Variants in ARSB observed in about 807,000 individuals in gnomAD.
The protein encoded by ARSB is arylsulfatase B, also known as N-acetylgalactosamine-4-sulfatase.
A neutral mutation model predicts 50.9 loss-of-function variants in ARSB; 41 were observed. The ratio of observed to expected loss-of-function variants is 0.81; its 90% CI spans 0.63 to 1.04. The LOEUF (loss-of-function observed/expected upper bound fraction) is 1.04, where lower values mean the gene tolerates loss of function less well. Ranked by LOEUF, ARSB falls within the 50% of genes least tolerant of loss-of-function variation. The pLI, the probability that ARSB is intolerant of heterozygous loss-of-function variation, is 0.00. For missense variants in ARSB, 672 were observed against 693.3 expected (o/e 0.97, Z 0.35); for synonymous variants, 269 against 284.8 (o/e 0.94, Z 0.56).
intron 4 of ARSB, among the ~76,000 whole-genome samples, chr5:78,917,503 T>C (rs1409848743): frequency 6.6e-6 from 1 of 152,056 alleles, no homozygotes; most frequent in East Asian, 1.9e-4. Flanking sequence ...TGCAATTGTG[T>C]TTGTTTTATT....
chr5:78,959,965 C>T (rs183393791), intron 3 of ARSB, among the ~76,000 whole-genome samples: 2 of 152,142 alleles, frequency 1.3e-5, no homozygotes, highest in Non-Finnish European at 2.9e-5. Context: ...AACCAGAGCT[C>T]GGCTCACTGT....
At chr5:78,971,882 G>T (rs77970038) in intron 1 of ARSB, among the ~76,000 whole-genome samples, 3 of 152,204 alleles carry the variant, frequency 2.0e-5, no homozygotes, top group African/African-American at 7.2e-5. Context: ...TTCATTGTAT[G>T]TCAATCATAT....
chr5:78,929,729 A>G (rs530300871), intron 4 of ARSB, among the ~76,000 whole-genome samples: 1 of 148,934 alleles, frequency 6.7e-6, no homozygotes, highest in Admixed American at 6.8e-5. Context: ...GGGGGCTGAG[A>G]TTGCAGTCAG....
Position 78,870,341 on chromosome 5 carries a change from G to A in ARSB, c.1142+15243C>T, listed in dbSNP as rs1345017136. On this transcript the variant is annotated intron_variant, in intron 5 of 7. Transcript: ENST00000264914. ...AGTCCAGCATCATCCTGATACCAAA[G>A]CCAGGCAGAGACACAACCAAAAAAG... 3.7e-5 allele frequency among the ~76,000 whole-genome samples: 3 copies of A among 82,172 alleles called. 1 individual carries two copies. Among genetic ancestry groups the A allele is most frequent in the Non-Finnish European group, 7.5e-5 (3 of 39,742 alleles). 53.9% of individuals were successfully genotyped at this position (82,172 alleles called of 152,430 possible).
intron 5 of ARSB, among the ~76,000 whole-genome samples, chr5:78,856,549 GA>G (rs1377300256): frequency 1.3e-5 from 2 of 152,194 alleles, no homozygotes; most frequent in South Asian, 4.1e-4. Context: ...GTGGGTTGGA[GA>G]AAAAGTGTAT....
intron 5 of ARSB, among the ~76,000 whole-genome samples, chr5:78,847,547 T>C (rs1323196544): frequency 6.6e-6 from 1 of 152,230 alleles, no homozygotes; most frequent in Non-Finnish European, 1.5e-5. Flanking sequence ...TATCTCTGTC[T>C]AGTTTTGGTA....
chr5:78,948,482 A>G (rs984154085), intron 4 of ARSB, among the ~76,000 whole-genome samples: 13 of 152,228 alleles, frequency 8.5e-5, no homozygotes, highest in African/African-American at 3.1e-4. Flanking sequence ...CCAGAATAGT[A>G]TGTGTGTAAT....
At chr5:78,977,034 C>T (rs2112556056) in intron 1 of ARSB, among the ~76,000 whole-genome samples, 1 of 152,230 alleles carries the variant, frequency 6.6e-6, no homozygotes. Context: ...CAGGCCTCTG[C>T]TCATACTACC....
chr5:78,861,698 G>A (rs1746445275), intron 5 of ARSB, among the ~76,000 whole-genome samples: 1 of 152,124 alleles, frequency 6.6e-6, no homozygotes, highest in Non-Finnish European at 1.5e-5. Flanking sequence ...TTTGAAAACT[G>A]GCACAAGACA....
chr5:78,834,646 T>TGC lies in ARSB; in HGVS notation c.1213+4708_1213+4709dup, dbSNP rs1554073660. 1.7e-3 allele frequency among the ~76,000 whole-genome samples: 222 copies of TGC among 133,786 alleles called. 1 individual carries two copies. Among genetic ancestry groups the TGC allele is most frequent in the Middle Eastern group, 0.016 (4 of 258 alleles). 87.8% of individuals were successfully genotyped at this position (133,786 alleles called of 152,430 possible). A position where few individuals can be genotyped will look rare whatever the true frequency, so the allele number is the denominator to read the frequency against. Reference sequence around the variant, plus strand: ...ATATATATATATATATATATATATATGCCACATTTTGTTTATTCATCCATT... The same window carrying TGC: ...ATATATATATATATATATATATATATGCGCCACATTTTGTTTATTCATCCATT... On this transcript the variant is annotated intron_variant, in intron 6 of 7. Coordinates refer to ENST00000264914, the MANE Select transcript of ARSB (RefSeq NM_000046.5).
At chr5:78,883,170 A>G (rs1378931344) in intron 5 of ARSB, 4 of 152,200 alleles carry the variant, frequency 2.6e-5, no homozygotes, top group Non-Finnish European at 4.4e-5. Flanking sequence ...AATTTAACAT[A>G]TCAAGTTTAG....
intron 5 of ARSB, among the ~76,000 whole-genome samples, chr5:78,853,011 T>C (rs1409475639): frequency 6.6e-6 from 1 of 152,250 alleles, no homozygotes; most frequent in Non-Finnish European, 1.5e-5. Context: ...AATTTCCTCC[T>C]GTAGCTCAGA....
intron 7 of ARSB, among the ~76,000 whole-genome samples, 186 bp from the exon 8 acceptor site, chr5:78,780,848 C>T (rs1285301451): frequency 6.6e-6 from 1 of 152,098 alleles, no homozygotes; most frequent in African/African-American, 2.4e-5. Flanking sequence ...AGACATGTCT[C>T]ACTGCTTCAC....
At chr5:78,860,194 C>T (rs953125988) in intron 5 of ARSB, among the ~76,000 whole-genome samples, 7 of 152,060 alleles carry the variant, frequency 4.6e-5, no homozygotes, top group Non-Finnish European at 7.4e-5. Context: ...CTTTCTGTCT[C>T]GTTGATCTGT....
chr5:78,953,192 G>T (rs943448197), intron 4 of ARSB, among the ~76,000 whole-genome samples: 3 of 152,178 alleles, frequency 2.0e-5, no homozygotes, highest in African/African-American at 7.2e-5. Context: ...GGCTGCTCAG[G>T]GTAGATGCTA....
At chr5:78,824,548 G>C (rs1326660628) in intron 6 of ARSB, among the ~76,000 whole-genome samples, 1 of 152,170 alleles carries the variant, frequency 6.6e-6, no homozygotes, top group African/African-American at 2.4e-5. Context: ...AGGTATGAAA[G>C]GCACTGCTTT....
intron 5 of ARSB, among the ~76,000 whole-genome samples, chr5:78,851,660 T>G (rs1259382810): frequency 6.6e-6 from 1 of 152,176 alleles, no homozygotes. Context: ...GATAGTGGGG[T>G]GTTAAAGTCT....
chr5:78,906,171 A>T (rs1027749632), intron 4 of ARSB, among the ~76,000 whole-genome samples: 42 of 86,198 alleles, frequency 4.9e-4, no homozygotes, highest in African/African-American at 2.2e-3. Flanking sequence ...TAAAAAATTA[A>T]AAAAAAAAAA....
At chr5:78,957,284 G>C (rs79891751) in intron 3 of ARSB, among the ~76,000 whole-genome samples, 1 of 152,076 alleles carries the variant, frequency 6.6e-6, no homozygotes, top group Non-Finnish European at 1.5e-5. Context: ...AGACTTTGGT[G>C]GGGGGGTGGT....
Sources: gnomAD v4.1 joint callset for allele counts (sites outside exome capture counted in the v4.1 genomes callset) on GRCh38, gnomAD v4.1.1 for gene constraint, MANE v1.5 for transcripts, NCBI Gene and HGNC (gene_info 2026-07-23, HGNC 2026-07-21) for gene names.